The following CELF2 variants were observed in gnomAD, a reference collection of about 807,000 sequenced individuals.
CELF2 encodes the protein CUG triplet repeat RNA-binding protein 2.
In CELF2, 8 loss-of-function variants were observed where a neutral mutation model predicts 62.6. That is an observed-to-expected ratio of 0.13 (90% CI 0.07 to 0.23). CELF2 has a LOEUF of 0.23. CELF2 is among the 10% of genes least tolerant of loss of function. The pLI is 1.00. For synonymous variants in CELF2, 258 were observed against 250.0 expected, an observed-to-expected ratio of 1.03 and a Z score of -0.30; for missense variants, 333 against 671.0, an observed-to-expected ratio of 0.50 and a Z score of 5.56.
chr10:10,770,944 C>A, the CELF2 span, among the ~76,000 whole-genome samples: 1 of 152,164 alleles, frequency 6.6e-6, no homozygotes. Flanking sequence ...TGGGCTTCAC[C>A]TTATGAAATC....
intron 1 of CELF2, among the ~76,000 whole-genome samples, chr10:11,047,373 G>A (rs1254183758): frequency 6.6e-6 from 1 of 152,170 alleles, no homozygotes; most frequent in Non-Finnish European, 1.5e-5. Flanking sequence ...CAAAAAGAAC[G>A]CAAGCTTAGT....
chr10:10,599,671 T>G, the CELF2 span, among the ~76,000 whole-genome samples: 1 of 152,048 alleles, frequency 6.6e-6, no homozygotes, highest in Non-Finnish European at 1.5e-5. Flanking sequence ...TGCGACGTGT[T>G]TTTAATTTTT....
intron 2 of CELF2, among the ~76,000 whole-genome samples, chr10:10,942,672 G>A (rs2047177885): frequency 6.6e-6 from 1 of 152,192 alleles, no homozygotes; most frequent in South Asian, 2.1e-4. Flanking sequence ...TCAAAGGAGG[G>A]ATTATACAAA....
chr10:10,756,473 A>G, the CELF2 span, among the ~76,000 whole-genome samples: 1 of 152,196 alleles, frequency 6.6e-6, no homozygotes, highest in Non-Finnish European at 1.5e-5. Flanking sequence ...TTTTTCTAAA[A>G]TAAAACTGCA....
At chr10:10,629,089 G>T in the CELF2 span, among the ~76,000 whole-genome samples, 1 of 152,148 alleles carries the variant, frequency 6.6e-6, no homozygotes, top group South Asian at 2.1e-4. Flanking sequence ...CCTTGTTCCT[G>T]AACCAGGAGA....
chr10:11,323,426 ATAAT>A (rs1179080915), intron 11 of CELF2, among the ~76,000 whole-genome samples: 1 of 127,116 alleles, frequency 7.9e-6, no homozygotes, highest in Non-Finnish European at 1.7e-5. Context: ...CAGAGCAAAA[ATAAT>A]AATAATAATA....
intron 2 of CELF2, among the ~76,000 whole-genome samples, chr10:10,991,304 A>G (rs183261150): frequency 1.3e-5 from 2 of 152,264 alleles, no homozygotes; most frequent in East Asian, 3.9e-4. Context: ...ACAGCTAATG[A>G]ATTTGGCATC....
At chr10:10,677,709 A>G in the CELF2 span, among the ~76,000 whole-genome samples, 3 of 152,200 alleles carry the variant, frequency 2.0e-5, no homozygotes, top group Non-Finnish European at 2.9e-5. Flanking sequence ...TTTGCTTGGA[A>G]GCAGCCTCAT....
the CELF2 span, among the ~76,000 whole-genome samples, chr10:10,672,466 G>A: frequency 6.7e-6 from 1 of 148,396 alleles, no homozygotes; most frequent in East Asian, 2.0e-4. Context: ...TCTGTGAAGG[G>A]TAGAAGGTCT....
intron 1 of CELF2, among the ~76,000 whole-genome samples, chr10:10,847,548 A>G (rs529345495): frequency 3.3e-5 from 5 of 152,318 alleles, no homozygotes; most frequent in African/African-American, 9.6e-5. Flanking sequence ...ATGTATAACA[A>G]TTCAGATTCA....
At chr10:10,469,175 T>C in the CELF2 span, among the ~76,000 whole-genome samples, 13 of 152,036 alleles carry the variant, frequency 8.6e-5, no homozygotes, top group African/African-American at 3.1e-4. Context: ...TGACCTCTTA[T>C]ACTGCTATCT....
At chr10:10,727,910 A>G in the CELF2 span, among the ~76,000 whole-genome samples, 9 of 152,194 alleles carry the variant, frequency 5.9e-5, no homozygotes, top group Non-Finnish European at 8.8e-5. Flanking sequence ...GAGTGCTACA[A>G]TAAGCCTGGC....
At chr10:11,120,400 T>C (rs1317268944) in intron 1 of CELF2, among the ~76,000 whole-genome samples, 2 of 152,182 alleles carry the variant, frequency 1.3e-5, no homozygotes, top group Non-Finnish European at 2.9e-5. Context: ...TTTAATGTTC[T>C]AACAGGTTTG....
At chr10:10,709,691 C>T in the CELF2 span, among the ~76,000 whole-genome samples, 5 of 152,174 alleles carry the variant, frequency 3.3e-5, no homozygotes, top group Admixed American at 3.3e-4. Context: ...CACTGTTTAA[C>T]AGGAAAAGGG....
At chr10:10,840,062 T>C (rs978366294) in intron 1 of CELF2, among the ~76,000 whole-genome samples, 1 of 152,224 alleles carries the variant, frequency 6.6e-6, no homozygotes, top group East Asian at 1.9e-4. Context: ...CACTGAATAG[T>C]GTTCCTTTGT....
intron 1 of CELF2, among the ~76,000 whole-genome samples, chr10:11,142,845 G>A (rs903207975): frequency 1.3e-5 from 2 of 152,170 alleles, no homozygotes; most frequent in African/African-American, 2.4e-5. Flanking sequence ...AGAGATTCTG[G>A]TAGAGCCAAG....
At chr10:11,120,404 A>T (rs914706765) in intron 1 of CELF2, among the ~76,000 whole-genome samples, 41 of 152,204 alleles carry the variant, frequency 2.7e-4, no homozygotes, top group Non-Finnish European at 1.2e-4. Context: ...ATGTTCTAAC[A>T]GGTTTGCATT....
the CELF2 span, among the ~76,000 whole-genome samples, chr10:10,540,535 C>T: frequency 6.6e-6 from 1 of 152,096 alleles, no homozygotes; most frequent in African/African-American, 2.4e-5. Flanking sequence ...GACCTAGCTC[C>T]CCATACGGTG....
Position 11,165,174 on chromosome 10 carries a change from G to A in CELF2, c.75-312G>A, listed in dbSNP as rs1411273625. 8.3e-7 allele frequency: 1 copy of A among 1,210,454 alleles called. No homozygotes were observed. The highest frequency in any genetic ancestry group is 1.6e-5 in the African/African-American group (1 of 62,860). The allele number at this position is 1,210,454 out of a possible 1,614,324, so 75.0% of individuals were successfully genotyped here. ...ATGGCAGCCTTGCAGAGCTAGACCT[G>A]CACTTAACTTGCAGCTGCCTCCCGA... On this transcript the variant is annotated intron_variant, in intron 1 of 12. Transcript: ENST00000633077. The surrounding 1 kb of genome is among the most constrained non-coding windows in gnomAD (Gnocchi z 7.4).
Sources: allele counts gnomAD v4.1 joint callset (sites outside exome capture counted in the v4.1 genomes callset), GRCh38; gene constraint gnomAD v4.1.1; non-coding constraint Gnocchi (gnomAD v3.1); transcripts MANE v1.5; gene names NCBI Gene and HGNC (gene_info 2026-07-23, HGNC 2026-07-21).